TULP3: variants seen among roughly 807,000 people sequenced by gnomAD.
The protein encoded by TULP3 is tubby-related protein 3.
TULP3 carries 38 observed loss-of-function variants against 50.7 expected under a neutral mutation model. The ratio of observed to expected loss-of-function variants is 0.75; its 90% CI spans 0.58 to 0.98. The LOEUF is 0.98. Among genes scored for constraint, TULP3 ranks in the 50% least tolerant of loss-of-function variants. The pLI is 0.00. For missense variants in TULP3, 550 were observed against 568.0 expected (o/e 0.97, Z 0.32); for synonymous variants, 183 against 196.6 (o/e 0.93, Z 0.58).
Position 2,922,350 on chromosome 12 carries a change from C to G in TULP3, c.342C>G (p.Asn114Lys), listed in dbSNP as rs1403068475. 2 of 1,614,162 alleles carry G rather than the reference C, an allele frequency of 1.2e-6. No homozygotes were observed. Among genetic ancestry groups the G allele is most frequent in the East Asian group, 2.2e-5 (1 of 44,878 alleles). ...CTGTTGTGGAAGAAGATGCTGAAAA[C>G]ACCGTGGATACTGCTTCCAAGCCAG... is the stretch of plus-strand genomic sequence containing the variant. ...SSSVVEEDAENTVDTASKPGL... is the reference protein window; with the variant it reads ...SSSVVEEDAEKTVDTASKPGL... Residue 114 changes from asparagine to lysine, a missense_variant, in exon 4 of 11, where the codon AAC becomes AAG. Physicochemically the swap from Asn to Lys is moderately conservative, Grantham distance 94. Transcript: ENST00000448120.
chr12:2,912,978 T>TC (rs1377402400), intron 2 of TULP3, among the ~76,000 whole-genome samples: 4 of 118,934 alleles, frequency 3.4e-5, no homozygotes, highest in Non-Finnish European at 7.1e-5. Flanking sequence ...TCTTTTTTTT[T>TC]TTTTTTCTTC....
chr12:2,900,540 A>G (rs2098178535), intron 1 of TULP3, among the ~76,000 whole-genome samples: 1 of 152,124 alleles, frequency 6.6e-6, no homozygotes, highest in African/African-American at 2.4e-5. Flanking sequence ...TTGTCAGCTG[A>G]TGTCTTGGTA....
intron 1 of TULP3, among the ~76,000 whole-genome samples, chr12:2,909,286 T>A (rs948382547): frequency 9.2e-5 from 14 of 152,202 alleles, no homozygotes; most frequent in African/African-American, 3.4e-4. Context: ...GCGTGGGGTC[T>A]GTGTTTTCAT....
intron 7 of TULP3, among the ~76,000 whole-genome samples, chr12:2,933,843 G>C (rs535303868): frequency 6.6e-6 from 1 of 151,784 alleles, no homozygotes; most frequent in African/African-American, 2.4e-5. Context: ...CCAGCTACCC[G>C]GGAGGCTGAA....
intron 1 of TULP3, among the ~76,000 whole-genome samples, chr12:2,897,048 G>A (rs1341998931): frequency 1.3e-5 from 2 of 152,010 alleles, no homozygotes; most frequent in East Asian, 1.9e-4. Flanking sequence ...TCGCTCTGTC[G>A]CCTAGGCTGG....
Position 2,940,435 on chromosome 12 carries a change from C to T in TULP3, c.*991C>T. On this transcript the variant is annotated 3_prime_UTR_variant, in exon 11 of 11. Transcript: ENST00000448120. ...GGACTTTCTTCTCGGCTCCCTCAACCCTGGCTCAGGCACAGAAGGTGTTTT... is the reference window on the plus strand; with the variant it reads ...GGACTTTCTTCTCGGCTCCCTCAACTCTGGCTCAGGCACAGAAGGTGTTTT... The T allele has an allele frequency of 6.8e-7, 1 of 1,475,612 alleles. No homozygotes were observed. The highest frequency in any genetic ancestry group is 2.5e-5 in the East Asian group (1 of 40,282). The allele number at this position is 1,475,612 out of a possible 1,614,324, so 91.4% of individuals were successfully genotyped here. A position where few individuals can be genotyped will look rare whatever the true frequency, so the allele number is the denominator to read the frequency against.
chr12:2,935,918 C>T lies in TULP3; in HGVS notation c.924+1357C>T, dbSNP rs527773168. ...TAGGAGGGTCGAGGCTGCAGTGAGCCGTGATCACACCATGCACTCTAGCCT... is the reference window on the plus strand; with the variant it reads ...TAGGAGGGTCGAGGCTGCAGTGAGCTGTGATCACACCATGCACTCTAGCCT... On this transcript the variant is annotated intron_variant, in intron 8 of 10. Transcript: ENST00000448120. Among the ~76,000 whole-genome samples, 26 of 151,838 alleles carry T rather than the reference C, an allele frequency of 1.7e-4. No individual in the cohort carries two copies. In the South Asian group the frequency reaches 5.0e-3, roughly 29 times the overall value.
chr12:2,895,397 A>G (rs1332077616), intron 1 of TULP3, among the ~76,000 whole-genome samples: 3 of 152,222 alleles, frequency 2.0e-5, no homozygotes, highest in Non-Finnish European at 2.9e-5. Flanking sequence ...TAGAATACTA[A>G]CATTTCTCCC....
chr12:2,900,181 C>G (rs35617769), intron 1 of TULP3, among the ~76,000 whole-genome samples: 72,524 of 151,944 alleles, frequency 0.48, 17,781 homozygotes, highest in African/African-American at 0.6. Flanking sequence ...CGAGATCGCG[C>G]CACTGTACTC....
Position 2,930,277 on chromosome 12 carries a change from G to T in TULP3, c.424G>T (p.Glu142Ter). The T allele has an allele frequency of 1.2e-6, 2 of 1,612,716 alleles. No individual in the cohort carries two copies. Among genetic ancestry groups the T allele is most frequent in the Non-Finnish European group, 1.7e-6 (2 of 1,179,330 alleles). ...DISESVNFDE[E>*]TDGISQSACL... ...CTCTGAAAGTGTGAACTTCGATGAG[G>T]AGACTGATGGAATATCCCAGTCAGC... is the stretch of plus-strand genomic sequence containing the variant. The change falls in exon 5 of 11, where the codon GAG becomes TAG. Residue 142 changes from glutamate to a stop codon, truncating the protein, a stop_gained. Coordinates refer to ENST00000448120, the MANE Select transcript of TULP3 (RefSeq NM_003324.5). LOFTEE classifies it high-confidence loss of function.
At chr12:2,909,636 G>A (rs35490316) in intron 2 of TULP3, 56 bp downstream of exon 2, 1 of 1,508,844 alleles carries the variant, frequency 6.6e-7, no homozygotes, top group Non-Finnish European at 9.0e-7. Context: ...CCGTGATGCT[G>A]ATGGTCTTGG....
chr12:2,902,235 G>A (rs1283035390), intron 1 of TULP3, among the ~76,000 whole-genome samples: 1 of 152,182 alleles, frequency 6.6e-6, no homozygotes, highest in African/African-American at 2.4e-5. Flanking sequence ...ATTAATGAGA[G>A]AAGATAACTA....
At chr12:2,914,078 G>A (rs1481395972) in intron 2 of TULP3, among the ~76,000 whole-genome samples, 2 of 151,252 alleles carry the variant, frequency 1.3e-5, no homozygotes, top group Admixed American at 6.6e-5. Flanking sequence ...TTTGTGTTGG[G>A]AACATTTCAA....
At position 2,890,959 on chromosome 12, in the gene TULP3, G is replaced by A. The variant is rs1466715861; in HGVS notation, c.12G>A (p.Ser4=). ...CCTCGGTGGCGGGCATGGAGGCTTC[G>A]CGCTGCCGGCTCAGTCCCAGCGGCG... MEA[S]RCRLSPSGDS... Residue 4 remains serine (S), a synonymous_variant, in exon 1 of 11, where the codon TCG becomes TCA. Coordinates refer to ENST00000448120, the MANE Select transcript of TULP3 (RefSeq NM_003324.5). 5 of 1,596,292 alleles carry A rather than the reference G, an allele frequency of 3.1e-6. No homozygotes were observed. Among genetic ancestry groups the A allele is most frequent in the Non-Finnish European group, 3.4e-6 (4 of 1,171,828 alleles).
intron 8 of TULP3, among the ~76,000 whole-genome samples, chr12:2,936,355 T>G (rs1462163481): frequency 1.3e-5 from 2 of 152,134 alleles, no homozygotes; most frequent in Non-Finnish European, 2.9e-5. Flanking sequence ...TAATTTTCAC[T>G]GTATGTAATA....
At chr12:2,923,138 C>T (rs2098192750) in intron 4 of TULP3, among the ~76,000 whole-genome samples, 2 of 152,034 alleles carry the variant, frequency 1.3e-5, no homozygotes, top group East Asian at 2.0e-4. Flanking sequence ...GGATTATAGG[C>T]GTGAGCCACC....
At chr12:2,906,948 T>A (rs1054278752) in intron 1 of TULP3, among the ~76,000 whole-genome samples, 15 of 151,928 alleles carry the variant, frequency 9.9e-5, no homozygotes, top group African/African-American at 2.4e-4. Context: ...TAATAAATTT[T>A]AAAAAATGAA....
At chr12:2,892,969 C>T (rs557420828) in intron 1 of TULP3, among the ~76,000 whole-genome samples, 40 of 150,764 alleles carry the variant, frequency 2.7e-4, no homozygotes, top group African/African-American at 5.9e-4. Flanking sequence ...CCAGGTTAAG[C>T]GATCCTCCCA....
Position 2,940,763 on chromosome 12 carries a change from G to A in TULP3, c.*1319G>A, listed in dbSNP as rs1249154168. ...CTGGCAGCTGCGGGACCCTTGGCTT[G>A]TCCCCCACCGACAAGTCCCACCTGC... On this transcript the variant is annotated 3_prime_UTR_variant, in exon 11 of 11. Coordinates refer to ENST00000448120, the MANE Select transcript of TULP3 (RefSeq NM_003324.5). 2 of 1,516,120 alleles carry A rather than the reference G, an allele frequency of 1.3e-6. No homozygotes were observed. Among genetic ancestry groups the A allele is most frequent in the Admixed American group, 4.1e-5 (2 of 48,636 alleles). 93.9% of individuals were successfully genotyped at this position (1,516,120 alleles called of 1,614,324 possible).
Sources: gnomAD v4.1 joint callset for allele counts (sites outside exome capture counted in the v4.1 genomes callset) on GRCh38, gnomAD v4.1.1 for gene constraint, MANE v1.5 for transcripts, NCBI Gene and HGNC (gene_info 2026-07-23, HGNC 2026-07-21) for gene names.